The following TACR1 variants were observed in gnomAD, a reference collection of about 807,000 sequenced individuals.
TACR1 encodes the protein substance-P receptor.
A neutral mutation model predicts 35.8 loss-of-function variants in TACR1; 25 were observed. That is an observed-to-expected ratio of 0.70 (90% CI 0.51 to 0.98). The LOEUF is 0.98. Ranked by LOEUF, TACR1 falls within the 50% of genes least tolerant of loss-of-function variation. TACR1 has a pLI of 0.00. For missense variants in TACR1, 478 were observed against 522.9 expected, an observed-to-expected ratio of 0.91 and a Z score of 0.84; for synonymous variants, 195 against 206.7, an observed-to-expected ratio of 0.94 and a Z score of 0.48.
chr2:75,103,226 T>G (rs1231671774), intron 2 of TACR1, among the ~76,000 whole-genome samples: 1 of 152,138 alleles, frequency 6.6e-6, no homozygotes, highest in Non-Finnish European at 1.5e-5. Flanking sequence ...CCAGGGCTTC[T>G]TAGAGAAGTG....
At chr2:75,185,704 G>T (rs1394305673) in intron 1 of TACR1, among the ~76,000 whole-genome samples, 1 of 152,192 alleles carries the variant, frequency 6.6e-6, no homozygotes, top group Non-Finnish European at 1.5e-5. Flanking sequence ...ACTCCAATAT[G>T]TTGGATCTAT....
chr2:75,194,675 C>T (rs1675923042), intron 1 of TACR1, among the ~76,000 whole-genome samples: 1 of 152,158 alleles, frequency 6.6e-6, no homozygotes. Flanking sequence ...TCAGAGAGCT[C>T]AATTCCTCTT....
chr2:75,156,070 A>G (rs1439094587), intron 1 of TACR1: 1 of 152,252 alleles, frequency 6.6e-6, no homozygotes. Context: ...CAGTCACACT[A>G]TTTGTTTACA....
intron 1 of TACR1, among the ~76,000 whole-genome samples, chr2:75,183,526 C>G (rs748247733): frequency 6.6e-6 from 1 of 152,136 alleles, no homozygotes; most frequent in African/African-American, 2.4e-5. Context: ...TTACGTTTCC[C>G]TGGGTTTTGT....
intron 1 of TACR1, among the ~76,000 whole-genome samples, chr2:75,136,147 G>T (rs1185380205): frequency 6.6e-6 from 1 of 152,150 alleles, no homozygotes; most frequent in African/African-American, 2.4e-5. Flanking sequence ...AGAAACCCAG[G>T]CACATCATCT....
rs11437762 is a variant in TACR1, at chr2:75,113,532, CTTTTTTTTTTT to C, written c.584+7031_584+7041del. 2.4e-3 allele frequency among the ~76,000 whole-genome samples: 219 copies of C among 92,092 alleles called. 3 individuals are homozygous for C. The highest frequency in any genetic ancestry group is 3.1e-3 in the Non-Finnish European group (158 of 50,654). 60.4% of individuals were successfully genotyped at this position (92,092 alleles called of 152,430 possible). The stretch of plus-strand genomic sequence containing the variant: ...TGGCTTTCCTCCTTTTTTCTTCTTC[CTTTTTTTTTTT>C]TTTTTTTTTTTTTACTTTGTTCACT... On this transcript the variant is annotated intron_variant, in intron 2 of 4. Transcript: ENST00000305249.
At chr2:75,109,404 G>A (rs1673708759) in intron 2 of TACR1, among the ~76,000 whole-genome samples, 1 of 152,158 alleles carries the variant, frequency 6.6e-6, no homozygotes, top group South Asian at 2.1e-4. Context: ...AAAGACTTGA[G>A]TAGAGACCCC....
chr2:75,174,892 C>A (rs536338563), intron 1 of TACR1, among the ~76,000 whole-genome samples: 12 of 152,188 alleles, frequency 7.9e-5, no homozygotes, highest in African/African-American at 2.9e-4. Flanking sequence ...GTTCTCAGGC[C>A]CAATTTCAGG....
chr2:75,155,507 CA>C (rs935211713), intron 1 of TACR1, among the ~76,000 whole-genome samples: 1 of 152,090 alleles, frequency 6.6e-6, no homozygotes, highest in African/African-American at 2.4e-5. Context: ...ACCTGAGTAT[CA>C]CCAGCTCTTC....
chr2:75,176,166 A>G (rs1203926739), intron 1 of TACR1, among the ~76,000 whole-genome samples: 1 of 152,054 alleles, frequency 6.6e-6, no homozygotes, highest in Non-Finnish European at 1.5e-5. Context: ...TTCAATTTCC[A>G]TATTGAAAAG....
At chr2:75,060,644 T>C (rs1025206903) in intron 2 of TACR1, among the ~76,000 whole-genome samples, 9 of 152,146 alleles carry the variant, frequency 5.9e-5, no homozygotes, top group Admixed American at 4.6e-4. Flanking sequence ...GTGATTTATT[T>C]TGAAGTTGGT....
intron 1 of TACR1, among the ~76,000 whole-genome samples, chr2:75,165,746 C>T (rs538346893): frequency 6.0e-4 from 92 of 152,280 alleles, no homozygotes; most frequent in African/African-American, 2.1e-3. Context: ...ATGGCAAATC[C>T]TTTAGCTTCA....
rs1572944824 is a variant in TACR1 at position 75,126,077 on chromosome 2, C to T, written c.390-5309G>A. 2.0e-5 allele frequency among the ~76,000 whole-genome samples: 3 copies of T among 152,256 alleles called. No homozygotes were observed. The East Asian group carries it at 5.8e-4, about 29-fold the overall frequency. ...TTTTCTGCTTCTCTTCCTCCTCTCA[C>T]TCTCCACCCTGAAGTAGACCCCAGT... On this transcript the variant is annotated intron_variant, in intron 1 of 4. Transcript: ENST00000305249.
intron 2 of TACR1, among the ~76,000 whole-genome samples, chr2:75,101,915 G>T (rs1453472421): frequency 7.2e-5 from 11 of 151,978 alleles, no homozygotes; most frequent in Non-Finnish European, 4.4e-5. Flanking sequence ...CTGCACTCCA[G>T]GCTGAGTGAT....
intron 1 of TACR1, among the ~76,000 whole-genome samples, chr2:75,158,905 A>G (rs948992080): frequency 6.6e-6 from 1 of 152,158 alleles, no homozygotes; most frequent in Admixed American, 6.5e-5. Context: ...AGTTATCTCA[A>G]CCTCGAGCAT....
chr2:75,147,213 G>C (rs190126271), intron 1 of TACR1, among the ~76,000 whole-genome samples: 152 of 152,248 alleles, frequency 1.0e-3, no homozygotes, highest in African/African-American at 3.4e-3. Context: ...CCACCAAAGA[G>C]AACCCTGAGA....
chr2:75,161,180 C>G (rs1675001142), intron 1 of TACR1, among the ~76,000 whole-genome samples: 2 of 152,102 alleles, frequency 1.3e-5, no homozygotes, highest in Admixed American at 1.3e-4. Context: ...AAAAACCACA[C>G]TACTCAAAGA....
chr2:75,049,497 A>T lies in TACR1; in HGVS notation c.1159T>A (p.Ser387Thr), dbSNP rs200756266. ...ATGGTCTTGGAGTCACTTCGTGAAG[A>T]GCAGTTGGAGGTCAGGTCCAGGGAC... is the stretch of plus-strand genomic sequence containing the variant. ...PSSLDLTSNC[S>T]SRSDSKTMTE... The change falls in exon 5 of 5, where the codon TCT becomes ACT. Residue 387 changes from serine to threonine, a missense_variant. Physicochemically the swap from Ser to Thr is moderately conservative, Grantham distance 58. Transcript: ENST00000305249. 2.0e-5 allele frequency: 33 copies of T among 1,614,154 alleles called. No individual in the cohort carries two copies. Among genetic ancestry groups the T allele is most frequent in the Non-Finnish European group, 2.8e-5 (33 of 1,179,980 alleles).
At chr2:75,078,758 G>A (rs529079930) in intron 2 of TACR1, among the ~76,000 whole-genome samples, 93 of 150,768 alleles carry the variant, frequency 6.2e-4, no homozygotes, top group Non-Finnish European at 1.1e-3. Flanking sequence ...GTTTTCAAAC[G>A]ATGGATATTC....
Sources: allele counts gnomAD v4.1 joint callset (sites outside exome capture counted in the v4.1 genomes callset), GRCh38; gene constraint gnomAD v4.1.1; transcripts MANE v1.5; gene names NCBI Gene and HGNC (gene_info 2026-07-23, HGNC 2026-07-21).